GNB5: variants seen among roughly 807,000 people sequenced by gnomAD.
GNB5 encodes the protein G protein subunit beta 5.
In GNB5, 37 loss-of-function variants were observed where a neutral mutation model predicts 55.3. The ratio of observed to expected loss-of-function variants is 0.67; its 90% CI spans 0.51 to 0.88. The LOEUF (loss-of-function observed/expected upper bound fraction) is 0.88, where lower values mean the gene tolerates loss of function less well. Among genes scored for constraint, GNB5 ranks in the 40% least tolerant of loss-of-function variants. The pLI, the probability that GNB5 is intolerant of heterozygous loss-of-function variation, is 0.00. For missense variants in GNB5, 476 were observed against 515.3 expected (o/e 0.92, Z 0.74); for synonymous variants, 219 against 198.5 (o/e 1.10, Z -0.87).
intron 3 of GNB5, among the ~76,000 whole-genome samples, chr15:52,162,499 G>A (rs1259523533): frequency 6.6e-6 from 1 of 152,006 alleles, no homozygotes; most frequent in Admixed American, 6.6e-5. Flanking sequence ...AAATATCCGT[G>A]AAAATAAATA....
chr15:52,166,288 G>A (rs907726051), intron 3 of GNB5, among the ~76,000 whole-genome samples: 57 of 152,258 alleles, frequency 3.7e-4, no homozygotes, highest in African/African-American at 1.2e-3. Context: ...ATCATTGAGA[G>A]AGAAAATTAA....
At chr15:52,178,946 TC>T (rs2034704591) in intron 3 of GNB5, among the ~76,000 whole-genome samples, 1 of 152,106 alleles carries the variant, frequency 6.6e-6, no homozygotes, top group African/African-American at 2.4e-5. Context: ...TACAACCACT[TC>T]CCCAAGCCTG....
intron 9 of GNB5, among the ~76,000 whole-genome samples, chr15:52,133,070 C>G (rs945676497): frequency 2.0e-5 from 3 of 152,136 alleles, no homozygotes. Context: ...CCATCTTGTT[C>G]ACTGATATAT....
intron 1 of GNB5, among the ~76,000 whole-genome samples, chr15:52,186,286 T>G (rs185777284): frequency 5.6e-4 from 85 of 152,328 alleles, no homozygotes; most frequent in African/African-American, 2.0e-3. Flanking sequence ...AAAAAACTGC[T>G]TGTAACAAAG....
intron 5 of GNB5, chr15:52,149,531 G>T: frequency 1.8e-6 from 1 of 564,770 alleles, no homozygotes. Context: ...TCAAAGAGAG[G>T]GGAGAGAGAA....
chr15:52,172,505 T>C (rs557369397), intron 3 of GNB5, among the ~76,000 whole-genome samples: 1 of 151,990 alleles, frequency 6.6e-6, no homozygotes, highest in East Asian at 1.9e-4. Flanking sequence ...ATGTGCTGGG[T>C]GCGGTGGCTC....
chr15:52,175,679 C>G (rs2034635966), intron 3 of GNB5, among the ~76,000 whole-genome samples: 1 of 151,486 alleles, frequency 6.6e-6, no homozygotes, highest in Non-Finnish European at 1.5e-5. Flanking sequence ...GTGGAACTTA[C>G]AGTGAGCTGA....
Position 52,139,799 on chromosome 15 carries a change from A to G in GNB5, c.627+1341T>C, listed in dbSNP as rs1034040435. On this transcript the variant is annotated intron_variant, in intron 7 of 12. Coordinates refer to ENST00000261837, the MANE Select transcript of GNB5 (RefSeq NM_016194.4). ...CGGCTAAGCTGCTTGTTGGAAAAGAAAGCACTTTCTCACCTACTGGTGCCC... is the reference window on the plus strand; with the variant it reads ...CGGCTAAGCTGCTTGTTGGAAAAGAGAGCACTTTCTCACCTACTGGTGCCC... 4 of 1,237,268 alleles carry G rather than the reference A, an allele frequency of 3.2e-6. No homozygotes were observed. The African/African-American group carries it at 4.7e-5, about 15-fold the overall frequency. 76.6% of individuals were successfully genotyped at this position (1,237,268 alleles called of 1,614,324 possible).
intron 2 of GNB5, among the ~76,000 whole-genome samples, chr15:52,183,433 A>C (rs2034802965): frequency 6.6e-6 from 1 of 152,220 alleles, no homozygotes; most frequent in African/African-American, 2.4e-5. Flanking sequence ...AGACTGTAGA[A>C]ATATACTACA....
chr15:52,151,897 G>A (rs1311695361), intron 4 of GNB5, among the ~76,000 whole-genome samples: 1 of 151,968 alleles, frequency 6.6e-6, no homozygotes, highest in Non-Finnish European at 1.5e-5. Flanking sequence ...CTCGAGCCCA[G>A]GAAGTCAAGG....
intron 9 of GNB5, among the ~76,000 whole-genome samples, chr15:52,132,488 GTTT>G (rs75509196): frequency 3.0e-5 from 4 of 134,048 alleles, no homozygotes; most frequent in Admixed American, 7.5e-5. Flanking sequence ...GTTTGTTTGG[GTTT>G]TTTTTTTTTT....
Position 52,135,453 on chromosome 15 carries a change from G to A in GNB5, c.771+160C>T, listed in dbSNP as rs116386078. The stretch of plus-strand genomic sequence containing the variant: ...CCCGAGAGGGGCCTGGAGCCAGTGC[G>A]GTCACTGCAGGAGCTGGGGGTTTAG... On this transcript the variant is annotated intron_variant, in intron 8 of 12. Coordinates refer to ENST00000261837, the MANE Select transcript of GNB5 (RefSeq NM_016194.4). 0.011 allele frequency among the ~76,000 whole-genome samples: 1,680 copies of A among 152,210 alleles called. 25 individuals are homozygous for A. The highest frequency in any genetic ancestry group is 0.039 in the African/African-American group (1,610 of 41,506).
At chr15:52,161,728 G>A (rs1382633315) in intron 3 of GNB5, among the ~76,000 whole-genome samples, 1 of 152,244 alleles carries the variant, frequency 6.6e-6, no homozygotes, top group African/African-American at 2.4e-5. Flanking sequence ...GTTACAGCCA[G>A]AAGAGACCTG....
intron 3 of GNB5, among the ~76,000 whole-genome samples, chr15:52,176,426 C>G (rs941178657): frequency 6.6e-6 from 1 of 152,230 alleles, no homozygotes; most frequent in Non-Finnish European, 1.5e-5. Context: ...TTGCACCTGG[C>G]AGGGCTCTAG....
intron 6 of GNB5, 67 bp from the exon 7 acceptor site, chr15:52,141,339 A>T: frequency 1.4e-6 from 2 of 1,392,244 alleles, no homozygotes; most frequent in Non-Finnish European, 1.0e-6. Context: ...TACTTTTCCA[A>T]TCACATGAAC....
At chr15:52,137,852 A>G (rs190908376) in intron 7 of GNB5, 20 of 1,286,464 alleles carry the variant, frequency 1.6e-5, no homozygotes, top group Middle Eastern at 6.5e-4. Context: ...TGGCTGCTCC[A>G]CAGGGCCTGG....
chr15:52,125,966 C>A lies in GNB5; in HGVS notation c.991G>T (p.Val331Leu). 1 of 1,523,570 alleles carries A rather than the reference C, an allele frequency of 6.6e-7. No homozygotes were observed. The allele number at this position is 1,523,570 out of a possible 1,614,324, so 94.4% of individuals were successfully genotyped here. ...ATCTTACCACTGAGGGAGAAGTCCA[C>A]GCTGGATGCTCCAAATATGATGCTT... ...KESIIFGASS[V>L]DFSLSGRLLF... Residue 331 changes from valine to leucine, a missense_variant, in exon 11 of 13, where the codon GTG becomes TTG. Transcript: ENST00000261837.
intron 3 of GNB5, among the ~76,000 whole-genome samples, chr15:52,155,448 G>A (rs1344330345): frequency 6.6e-6 from 1 of 152,166 alleles, no homozygotes; most frequent in African/African-American, 2.4e-5. Context: ...GCTTCAGTGT[G>A]TATGTCCTAA....
chr15:52,168,375 T>C (rs1407986421), intron 3 of GNB5, among the ~76,000 whole-genome samples: 1 of 152,132 alleles, frequency 6.6e-6, no homozygotes, highest in Non-Finnish European at 1.5e-5. Context: ...TCATAATTGC[T>C]ACAAAGAGAA....
Sources: allele counts gnomAD v4.1 joint callset (sites outside exome capture counted in the v4.1 genomes callset), GRCh38; gene constraint gnomAD v4.1.1; transcripts MANE v1.5; gene names NCBI Gene and HGNC (gene_info 2026-07-23, HGNC 2026-07-21).